The following NEK9 variants were observed in gnomAD, a reference collection of about 807,000 sequenced individuals.
NEK9 encodes the protein serine/threonine-protein kinase Nek9.
Under a neutral mutation model 123.4 loss-of-function variants are expected in NEK9, and 75 were observed. The observed-to-expected ratio is 0.61, with a 90% CI of 0.50 to 0.74. The LOEUF is 0.74. NEK9 is among the 30% of genes least tolerant of loss of function. The pLI, the probability that NEK9 is intolerant of heterozygous loss-of-function variation, is 0.00. For missense variants in NEK9, 952 were observed against 1,214.4 expected, an observed-to-expected ratio of 0.78 and a Z score of 3.21; for synonymous variants, 438 against 458.7, an observed-to-expected ratio of 0.95 and a Z score of 0.58.
At chr14:75,088,187 A>T (rs909764217) in intron 20 of NEK9, among the ~76,000 whole-genome samples, 1 of 152,104 alleles carries the variant, frequency 6.6e-6, no homozygotes, top group African/African-American at 2.4e-5. Flanking sequence ...CCTCTAACCT[A>T]CCCTGCCAGT....
rs369625789 is a variant in NEK9, at chr14:75,126,591, C to T, written c.219+112G>A. 1.1e-4 allele frequency: 80 copies of T among 716,012 alleles called. 1 individual carries two copies. The African/African-American group carries it at 1.2e-3, about 11-fold the overall frequency. The allele number at this position is 716,012 out of a possible 1,614,324, so 44.4% of individuals were successfully genotyped here. On this transcript the variant is annotated intron_variant, in intron 1 of 21. Transcript: ENST00000238616. ...GGTGAAGACCCTAAGACATATACCC[C>T]GTGGGCGCCTAAAGCACTAAGCTCA...
intron 17 of NEK9, chr14:75,096,777 C>T (rs1894399421): frequency 5.4e-6 from 1 of 183,592 alleles, no homozygotes; most frequent in South Asian, 1.7e-4. Flanking sequence ...GAGATCACAC[C>T]ATAGCACTCC....
intron 11 of NEK9, among the ~76,000 whole-genome samples, 157 bp downstream of exon 11, chr14:75,107,185 CA>C (rs1364710574): frequency 6.6e-6 from 1 of 152,026 alleles, no homozygotes; most frequent in Admixed American, 6.6e-5. Flanking sequence ...AATACTATAG[CA>C]AATTTGGTAT....
At chr14:75,106,798 A>G (rs1566651416) in intron 11 of NEK9, 96 bp from the exon 12 acceptor site, 1 of 826,098 alleles carries the variant, frequency 1.2e-6, no homozygotes, top group South Asian at 1.7e-5. Context: ...ACCCCAGCAA[A>G]TGATCTCACA....
At chr14:75,106,084 G>GCAC in intron 12 of NEK9, 88 bp from the exon 13 acceptor site, 1 of 1,188,520 alleles carries the variant, frequency 8.4e-7, no homozygotes, top group Non-Finnish European at 1.3e-6. Flanking sequence ...TGCCAGGTGC[G>GCAC]GTGGCTCACA....
intron 21 of NEK9, 28 bp from the exon 22 acceptor site, chr14:75,084,714 T>C (rs1209982238): frequency 5.6e-6 from 9 of 1,613,530 alleles, no homozygotes; most frequent in Non-Finnish European, 7.6e-6. Context: ...GGTTCCACAT[T>C]AGCAACAGTG....
rs1008862319 is a variant in NEK9, at chr14:75,114,240, A to G, written c.836T>C (p.Leu279Ser). 6.2e-7 allele frequency: 1 copy of G among 1,614,010 alleles called. No individual in the cohort carries two copies. Among genetic ancestry groups the G allele is most frequent in the Non-Finnish European group, 8.5e-7 (1 of 1,179,970 alleles). The change falls in exon 7 of 22, where the codon TTG becomes TCG. Residue 279 changes from leucine to serine, a missense_variant. Leu to Ser is a moderately radical substitution (Grantham distance 145, BLOSUM62 -2). This residue lies in a region of NEK9 where 698 missense variants were observed against 875.6 expected (regional missense o/e 0.80). Transcript: ENST00000238616. ...CGAATGAACCATTTGGATCAATTCC[A>G]AAGAGTACTGGCTAGAGTCAACTTC... The part of the protein sequence containing the change: ...AMEVDSSQYS[L>S]ELIQMVHSCL...
At chr14:75,126,621 G>C in intron 1 of NEK9, 82 bp downstream of exon 1, 4 of 1,148,228 alleles carry the variant, frequency 3.5e-6, no homozygotes, top group Non-Finnish European at 4.6e-6. Context: ...AGCTCACGAC[G>C]CTGGGAAAGC....
At chr14:75,091,659 T>C (rs553445512) in intron 18 of NEK9, 181 bp from the exon 19 acceptor site, 2 of 474,264 alleles carry the variant, frequency 4.2e-6, no homozygotes, top group Admixed American at 8.3e-5. Context: ...TTTTGTAATT[T>C]TGTATAGTTG....
upstream of NEK9, chr14:75,127,095 G>C: frequency 1.8e-6 from 1 of 556,284 alleles, no homozygotes; most frequent in Non-Finnish European, 3.1e-6. Flanking sequence ...TTTCCGGCCT[G>C]GCTGAGTTTC....
chr14:75,085,129 C>G (rs955122689), intron 21 of NEK9: 4 of 161,354 alleles, frequency 2.5e-5, no homozygotes, highest in African/African-American at 9.6e-5. Flanking sequence ...ACCTCAGCCT[C>G]CTGAATAACT....
At chr14:75,103,815 G>T in intron 14 of NEK9, 27 bp downstream of exon 14, 1 of 1,590,326 alleles carries the variant, frequency 6.3e-7, no homozygotes, top group Non-Finnish European at 8.6e-7. Context: ...CTGATGATGT[G>T]GTTAGAACAC....
At chr14:75,126,305 A>G (rs1361434840) in intron 1 of NEK9, among the ~76,000 whole-genome samples, 1 of 152,116 alleles carries the variant, frequency 6.6e-6, no homozygotes, top group Non-Finnish European at 1.5e-5. Context: ...GGAGAACTAT[A>G]TATACAGCAT....
intron 18 of NEK9, among the ~76,000 whole-genome samples, chr14:75,092,983 T>C (rs1894268508): frequency 6.6e-6 from 1 of 152,240 alleles, no homozygotes; most frequent in East Asian, 1.9e-4. Context: ...CTTTTTGTTT[T>C]AAATGGCTTT....
In NEK9 at chr14:75,084,703, C is replaced by G. The variant is rs185955176; in HGVS notation, c.2818-17G>C. On this transcript the variant is annotated splice_polypyrimidine_tract_variant and intron_variant, in intron 21 of 21. Coordinates refer to ENST00000238616, the MANE Select transcript of NEK9 (RefSeq NM_033116.6). ...CATCCCCACCTGTCCGGATAAAACA[C>G]GGTTCCACATTAGCAACAGTGCCAC... 1 of 1,613,684 alleles carries G rather than the reference C, an allele frequency of 6.2e-7. No individual in the cohort carries two copies. Among genetic ancestry groups the G allele is most frequent in the African/African-American group, 1.3e-5 (1 of 74,918 alleles).
intron 9 of NEK9, 90 bp downstream of exon 9, chr14:75,110,231 T>G (rs1894914973): frequency 2.1e-6 from 2 of 963,680 alleles, no homozygotes; most frequent in Admixed American, 2.2e-5. Context: ...TGCCAAAGTA[T>G]CCTCGGATCA....
At chr14:75,124,292 T>C (rs1479872245) in intron 1 of NEK9, 69 bp from the exon 2 acceptor site, 14 of 1,457,760 alleles carry the variant, frequency 9.6e-6, no homozygotes, top group Non-Finnish European at 1.3e-5. Context: ...CACCTAGATC[T>C]GTAAGCCTAG....
In NEK9 at chr14:75,091,483, C is replaced by T; in HGVS notation, c.2234-5G>A. ...CCGGGCTAGAGCTCTGAAACACTGACAGATATACAGCACAGAAATAGACAG... is the reference window on the plus strand; with the variant it reads ...CCGGGCTAGAGCTCTGAAACACTGATAGATATACAGCACAGAAATAGACAG... On this transcript the variant is annotated splice_region_variant and splice_polypyrimidine_tract_variant and intron_variant, in intron 18 of 21. Transcript: ENST00000238616. The T allele has an allele frequency of 6.4e-7, 1 of 1,569,492 alleles. No homozygotes were observed.
At chr14:75,111,303 C>CT (rs1238233587) in intron 8 of NEK9, among the ~76,000 whole-genome samples, 1 of 152,176 alleles carries the variant, frequency 6.6e-6, no homozygotes, top group Non-Finnish European at 1.5e-5. Flanking sequence ...AGCTGAGCTC[C>CT]TAGAGTAGTG....
Sources: allele counts gnomAD v4.1 joint callset (sites outside exome capture counted in the v4.1 genomes callset), GRCh38; gene constraint gnomAD v4.1.1; regional missense constraint gnomAD v4.1.1; transcripts MANE v1.5; gene names NCBI Gene and HGNC (gene_info 2026-07-23, HGNC 2026-07-21).